Variants in FHIT observed in about 807,000 individuals in gnomAD.
The protein encoded by FHIT is fragile histidine triad diadenosine triphosphatase, also known as bis(5'-adenosyl)-triphosphatase.
A neutral mutation model predicts 17.9 loss-of-function variants in FHIT; 19 were observed. The observed-to-expected ratio is 1.06, with a 90% confidence interval of 0.74 to 1.56. FHIT has a LOEUF of 1.56. Among genes scored for constraint, FHIT ranks in the 40% most tolerant of loss-of-function variants. The probability of loss-of-function intolerance (pLI) is 0.00; values close to 1 mark genes in which losing one functional copy is unlikely to be tolerated. For synonymous variants in FHIT, 81 were observed against 69.7 expected (o/e 1.16, Z -0.81); for missense variants, 248 against 189.2 (o/e 1.31, Z -1.82).
At chr3:60,682,609 T>C (rs2040776312) in intron 4 of FHIT, among the ~76,000 whole-genome samples, 1 of 152,134 alleles carries the variant, frequency 6.6e-6, no homozygotes, top group South Asian at 2.1e-4. Flanking sequence ...GAAAAAAGAT[T>C]CCTTTCAAAA....
At chr3:60,517,900 T>C (rs2035220322) in intron 5 of FHIT, among the ~76,000 whole-genome samples, 1 of 152,208 alleles carries the variant, frequency 6.6e-6, no homozygotes, top group Non-Finnish European at 1.5e-5. Flanking sequence ...ATCATGACAC[T>C]CCTGGTCTCT....
chr3:60,555,883 G>C (rs1008339795), intron 4 of FHIT, among the ~76,000 whole-genome samples: 4 of 152,194 alleles, frequency 2.6e-5, no homozygotes, highest in Non-Finnish European at 4.4e-5. Context: ...TTCTGCAGGA[G>C]AGCTGGAGTT....
chr3:60,376,696 T>TA (rs1700574591), intron 5 of FHIT, among the ~76,000 whole-genome samples: 1 of 152,244 alleles, frequency 6.6e-6, no homozygotes, highest in South Asian at 2.1e-4. Flanking sequence ...ATTTTATCTT[T>TA]AGATTTTGGT....
intron 5 of FHIT, among the ~76,000 whole-genome samples, chr3:60,069,957 A>G (rs562742715): frequency 6.6e-6 from 1 of 152,256 alleles, no homozygotes; most frequent in South Asian, 2.1e-4. Context: ...TACTCGCTCA[A>G]GTTTTGCTGG....
At chr3:60,363,794 G>A (rs941369521) in intron 5 of FHIT, among the ~76,000 whole-genome samples, 2 of 152,202 alleles carry the variant, frequency 1.3e-5, no homozygotes, top group African/African-American at 2.4e-5. Context: ...TTGTGTGATA[G>A]ACTCCAGGCA....
intron 2 of FHIT, among the ~76,000 whole-genome samples, chr3:61,073,841 A>G (rs2106749685): frequency 6.6e-6 from 1 of 152,314 alleles, no homozygotes; most frequent in South Asian, 2.1e-4. Flanking sequence ...TAAGGACACA[A>G]TGCAGAAATT....
At chr3:61,220,331 A>C (rs2039804197) in intron 1 of FHIT, among the ~76,000 whole-genome samples, 1 of 152,250 alleles carries the variant, frequency 6.6e-6, no homozygotes, top group Non-Finnish European at 1.5e-5. Flanking sequence ...ATAATAATAA[A>C]TTAATACTTT....
intron 8 of FHIT, among the ~76,000 whole-genome samples, chr3:59,907,805 G>A (rs532554693): frequency 4.9e-4 from 74 of 152,322 alleles, no homozygotes; most frequent in African/African-American, 1.6e-3. Flanking sequence ...GGTGTAATGG[G>A]TTAAAATTCA....
chr3:60,428,484 G>A (rs998878471), intron 5 of FHIT, among the ~76,000 whole-genome samples: 5 of 151,964 alleles, frequency 3.3e-5, no homozygotes, highest in African/African-American at 9.7e-5. Flanking sequence ...ATCAGAGCAC[G>A]TTTTGAGTCT....
At chr3:59,893,588 A>G (rs898585139) in intron 8 of FHIT, among the ~76,000 whole-genome samples, 6 of 152,224 alleles carry the variant, frequency 3.9e-5, no homozygotes, top group Non-Finnish European at 8.8e-5. Flanking sequence ...GCATTTTTGT[A>G]GGAAGTGTGT....
chr3:60,171,883 T>A (rs1701431766), intron 5 of FHIT, among the ~76,000 whole-genome samples: 2 of 151,660 alleles, frequency 1.3e-5, no homozygotes, highest in African/African-American at 4.8e-5. Context: ...TTTTTTTTTA[T>A]AAATGGGATC....
chr3:59,984,170 C>T (rs1176921005), intron 7 of FHIT, among the ~76,000 whole-genome samples: 6 of 152,076 alleles, frequency 3.9e-5, no homozygotes, highest in African/African-American at 1.2e-4. Flanking sequence ...TGCTGAACCT[C>T]ATATTCTTTC....
chr3:60,739,294 T>C (rs1312382484), intron 4 of FHIT, among the ~76,000 whole-genome samples: 1 of 152,220 alleles, frequency 6.6e-6, no homozygotes, highest in East Asian at 1.9e-4. Context: ...GAGGGAGCAC[T>C]GAGCTGGTTA....
At chr3:60,517,681 G>T (rs1432932735) in intron 5 of FHIT, among the ~76,000 whole-genome samples, 2 of 152,018 alleles carry the variant, frequency 1.3e-5, no homozygotes, top group African/African-American at 4.8e-5. Flanking sequence ...GCACCATAAC[G>T]TCATATTGAA....
At chr3:59,780,439 G>C (rs190997391) in intron 8 of FHIT, among the ~76,000 whole-genome samples, 1,756 of 152,270 alleles carry the variant, frequency 0.012, 19 homozygotes, top group Non-Finnish European at 0.018. Flanking sequence ...CTATGTACAG[G>C]AATGAATCAG....
At chr3:59,904,227 TAAA>T (rs10691217) in intron 8 of FHIT, among the ~76,000 whole-genome samples, 3 of 132,366 alleles carry the variant, frequency 2.3e-5, no homozygotes, top group South Asian at 2.4e-4. Flanking sequence ...AAATCATGGT[TAAA>T]AAAAAAAAAG....
chr3:61,196,887 C>G (rs1022384954), intron 2 of FHIT, among the ~76,000 whole-genome samples: 2 of 152,166 alleles, frequency 1.3e-5, no homozygotes, highest in Admixed American at 6.5e-5. Flanking sequence ...CCTCGTGTTC[C>G]CAGGTCTTCA....
intron 5 of FHIT, among the ~76,000 whole-genome samples, chr3:60,222,959 A>C (rs187118177): frequency 4.6e-5 from 7 of 152,192 alleles, no homozygotes. Flanking sequence ...AACAGTAATA[A>C]CTTTAGGATA....
At chr3:60,770,563 C>A (rs2108073382) in intron 4 of FHIT, among the ~76,000 whole-genome samples, 1 of 152,146 alleles carries the variant, frequency 6.6e-6, no homozygotes, top group African/African-American at 2.4e-5. Context: ...CCAGTATAGG[C>A]AGTGAGAAAG....
Sources: gnomAD v4.1 joint callset for allele counts (sites outside exome capture counted in the v4.1 genomes callset) on GRCh38, gnomAD v4.1.1 for gene constraint, MANE v1.5 for transcripts, NCBI Gene and HGNC (gene_info 2026-07-23, HGNC 2026-07-21) for gene names.